The following MYO1D variants were observed in gnomAD, a reference collection of about 807,000 sequenced individuals.
MYO1D encodes myosin ID.
A neutral mutation model predicts 122.0 loss-of-function variants in MYO1D; 83 were observed. The ratio of observed to expected loss-of-function variants is 0.68; its 90% CI spans 0.57 to 0.82. MYO1D has a LOEUF of 0.82. Ranked by LOEUF, MYO1D falls within the 40% of genes least tolerant of loss-of-function variation. The pLI, the probability that MYO1D is intolerant of heterozygous loss-of-function variation, is 0.00. For missense variants in MYO1D, 1,157 were observed against 1,269.5 expected, an observed-to-expected ratio of 0.91 and a Z score of 1.35; for synonymous variants, 464 against 446.9, an observed-to-expected ratio of 1.04 and a Z score of -0.48.
intron 16 of MYO1D, among the ~76,000 whole-genome samples, chr17:32,706,408 T>C (rs1031070109): frequency 5.9e-5 from 9 of 152,084 alleles, no homozygotes; most frequent in African/African-American, 2.2e-4. Context: ...GCACCTGGCC[T>C]AAATCTCTAT....
intron 20 of MYO1D, 75 bp downstream of exon 20, chr17:32,638,647 A>G: frequency 2.2e-6 from 2 of 894,550 alleles, no homozygotes; most frequent in Non-Finnish European, 3.5e-6. Context: ...TCTAGAACTC[A>G]GTCTATTGAC....
chr17:32,616,860 C>T (rs116787943), intron 20 of MYO1D, among the ~76,000 whole-genome samples: 2,851 of 152,220 alleles, frequency 0.019, 83 homozygotes, highest in African/African-American at 0.063. Context: ...GCTTCTGCCT[C>T]GTTTAATGGG....
chr17:32,787,089 C>A (rs1344605785), intron 1 of MYO1D, among the ~76,000 whole-genome samples: 2 of 151,140 alleles, frequency 1.3e-5, no homozygotes, highest in Non-Finnish European at 2.9e-5. Flanking sequence ...TGTTTAAAAT[C>A]ATTTTTTCAA....
intron 1 of MYO1D, among the ~76,000 whole-genome samples, chr17:32,802,489 T>C (rs1391641334): frequency 6.6e-6 from 1 of 152,218 alleles, no homozygotes; most frequent in African/African-American, 2.4e-5. Flanking sequence ...CTTTCTCAAA[T>C]TCTGACTAAT....
intron 11 of MYO1D, among the ~76,000 whole-genome samples, chr17:32,750,931 T>C (rs1336754071): frequency 6.6e-6 from 1 of 152,180 alleles, no homozygotes; most frequent in Non-Finnish European, 1.5e-5. Flanking sequence ...CTCTCTCTTA[T>C]TAACCCCTTT....
chr17:32,730,750 T>C (rs8065328), intron 14 of MYO1D, among the ~76,000 whole-genome samples: 82,184 of 151,976 alleles, frequency 0.54, 23,291 homozygotes, highest in East Asian at 0.73. Context: ...TTAATTTTTC[T>C]AACTTCAGAT....
intron 1 of MYO1D, among the ~76,000 whole-genome samples, chr17:32,839,203 T>G (rs988201698): frequency 1.3e-5 from 2 of 152,144 alleles, no homozygotes; most frequent in Non-Finnish European, 2.9e-5. Flanking sequence ...GCCAAGAAGG[T>G]AGACTAAGCT....
rs978925539 is a variant in MYO1D, at chr17:32,662,401, G to A, written c.2122-3063C>T. On this transcript the variant is annotated intron_variant, in intron 16 of 21. Transcript: ENST00000318217. ...TCTTAAGAGCTGCGCAGCGGGACGC[G>A]GTGGCTCACGCCTGTAATCTCGGCA... is the stretch of plus-strand genomic sequence containing the variant. 6.6e-5 allele frequency among the ~76,000 whole-genome samples: 10 copies of A among 152,310 alleles called. No individual in the cohort carries two copies. In the East Asian group the frequency reaches 1.2e-3, roughly 18 times the overall value.
Position 32,606,145 on chromosome 17 carries a change from A to G in MYO1D, c.2710-904T>C, listed in dbSNP as rs376061354. Among the ~76,000 whole-genome samples the G allele has an allele frequency of 3.3e-5, 5 of 152,324 alleles. No individual in the cohort carries two copies. In the East Asian group the frequency reaches 9.6e-4, roughly 29 times the overall value. Reference sequence around the variant, plus strand: ...AATTATTTAAGAGTCACAAAATACTAAAACTCTCCAAGAAGAAATAACTTG... The same window carrying G: ...AATTATTTAAGAGTCACAAAATACTGAAACTCTCCAAGAAGAAATAACTTG... On this transcript the variant is annotated intron_variant, in intron 20 of 21. Coordinates refer to ENST00000318217, the MANE Select transcript of MYO1D (RefSeq NM_015194.3).
At chr17:32,756,113 T>C (rs1289916126) in intron 10 of MYO1D, 3 of 210,270 alleles carry the variant, frequency 1.4e-5, no homozygotes, top group African/African-American at 6.8e-5. Context: ...TGCAATTTTA[T>C]AAAAGTAGGG....
At chr17:32,756,974 A>T (rs1399690683) in intron 10 of MYO1D, among the ~76,000 whole-genome samples, 1 of 151,592 alleles carries the variant, frequency 6.6e-6, no homozygotes, top group Non-Finnish European at 1.5e-5. Context: ...TGCACATCTC[A>T]AAGAGGGGCA....
rs1330509217 is a variant in MYO1D, at chr17:32,658,900, A to G, written c.2345+215T>C. ...CCAGGGGTTGTGGCACATTGCTGTC[A>G]GCTGCTACAGGAAAAACAAATTGGC... On this transcript the variant is annotated intron_variant, in intron 17 of 21. Coordinates refer to ENST00000318217, the MANE Select transcript of MYO1D (RefSeq NM_015194.3). 4 of 566,918 alleles carry G rather than the reference A, an allele frequency of 7.1e-6. No individual in the cohort carries two copies. In the East Asian group the frequency reaches 9.0e-5, roughly 13 times the overall value. The allele number at this position is 566,918 out of a possible 1,614,324, so 35.1% of individuals were successfully genotyped here.
intron 21 of MYO1D, chr17:32,498,328 C>G (rs1416627161): frequency 6.6e-6 from 1 of 152,298 alleles, no homozygotes; most frequent in South Asian, 2.1e-4. Flanking sequence ...TCTAAGCCCA[C>G]GTGAGATCTC....
intron 12 of MYO1D, among the ~76,000 whole-genome samples, chr17:32,747,968 G>A (rs1342569109): frequency 6.6e-6 from 1 of 152,152 alleles, no homozygotes; most frequent in Non-Finnish European, 1.5e-5. Context: ...GCTGGAAAAA[G>A]GAACAGACTC....
chr17:32,776,616 GA>G (rs557170609), intron 3 of MYO1D, among the ~76,000 whole-genome samples: 224 of 152,282 alleles, frequency 1.5e-3, no homozygotes, highest in African/African-American at 5.2e-3. Flanking sequence ...AGGTGATACA[GA>G]AAATGATACA....
chr17:32,756,122 G>A (rs1380821583), intron 10 of MYO1D: 2 of 211,974 alleles, frequency 9.4e-6, no homozygotes, highest in Non-Finnish European at 9.5e-6. Context: ...ATAAAAGTAG[G>A]GTACAAGTTA....
At chr17:32,643,538 G>C (rs994065558) in intron 19 of MYO1D, among the ~76,000 whole-genome samples, 5 of 152,168 alleles carry the variant, frequency 3.3e-5, no homozygotes, top group Admixed American at 2.6e-4. Context: ...ATTCAGCTGT[G>C]AATCCTGTCT....
chr17:32,554,970 C>T (rs181056452), intron 21 of MYO1D, among the ~76,000 whole-genome samples: 140 of 152,146 alleles, frequency 9.2e-4, no homozygotes, highest in African/African-American at 3.4e-3. Flanking sequence ...TTTTAGGAAG[C>T]TAATCTAGAA....
At chr17:32,665,263 T>TC (rs1399011626) in intron 16 of MYO1D, among the ~76,000 whole-genome samples, 1 of 151,938 alleles carries the variant, frequency 6.6e-6, no homozygotes, top group Admixed American at 6.6e-5. Context: ...TTTTTCTTTT[T>TC]CCCCCAGCAC....
Sources: gnomAD v4.1 joint callset for allele counts (sites outside exome capture counted in the v4.1 genomes callset) on GRCh38, gnomAD v4.1.1 for gene constraint, MANE v1.5 for transcripts, NCBI Gene and HGNC (gene_info 2026-07-23, HGNC 2026-07-21) for gene names.